The following PKD1L3 variants were observed in gnomAD, a reference collection of about 807,000 sequenced individuals.
PKD1L3 encodes the protein polycystin 1 like 3, transient receptor potential channel interacting.
A neutral mutation model predicts 184.1 loss-of-function variants in PKD1L3; 239 were observed. The observed-to-expected ratio is 1.30, with a 90% CI of 1.17 to 1.45. PKD1L3 has a LOEUF of 1.45. Ranked by LOEUF, PKD1L3 falls within the 40% of genes most tolerant of loss-of-function variation. The pLI is 0.00. For synonymous variants in PKD1L3, 996 were observed against 778.8 expected, an observed-to-expected ratio of 1.28 and a Z score of -4.64; for missense variants, 2,660 against 2,067.2, an observed-to-expected ratio of 1.29 and a Z score of -5.56.
intron 4 of PKD1L3, among the ~76,000 whole-genome samples, chr16:71,987,583 C>T (rs1471158766): frequency 6.6e-6 from 1 of 151,880 alleles, no homozygotes; most frequent in Admixed American, 6.6e-5. Context: ...ACCATGTTGC[C>T]CAGGCTGGTC....
In PKD1L3 at chr16:71,951,579, G is replaced by C. The variant is rs149764523; in HGVS notation, c.3175C>G (p.Arg1059Gly). The C allele has an allele frequency of 6.5e-7, 1 of 1,550,170 alleles. No individual in the cohort carries two copies. The highest frequency in any genetic ancestry group is 2.0e-5 in the Admixed American group (1 of 50,576). The change falls in exon 19 of 30, where the codon CGC (arginine) becomes GGC (glycine). Residue 1059 changes from arginine (R) to glycine (G), a missense_variant. By Grantham distance (125) the Arg-to-Gly change is moderately radical. Coordinates refer to ENST00000620267, the MANE Select transcript of PKD1L3 (RefSeq NM_181536.2). ...EGQGCHQQGE[R>G]HWARVVPENH... ...TGAAGTTTACCACGTGCCCAGTGGCGCTCTCCCTGCTGATGACAGCCTTGA... is the reference window on the plus strand; with the variant it reads ...TGAAGTTTACCACGTGCCCAGTGGCCCTCTCCCTGCTGATGACAGCCTTGA...
chr16:71,936,187 C>G (rs2038168898), intron 25 of PKD1L3, among the ~76,000 whole-genome samples: 1 of 149,330 alleles, frequency 6.7e-6, no homozygotes, highest in Admixed American at 7.0e-5. Context: ...TGAGTGTAAT[C>G]ATCTGTATTT....
intron 7 of PKD1L3, among the ~76,000 whole-genome samples, chr16:71,980,573 C>A (rs1343041607): frequency 6.6e-6 from 1 of 152,126 alleles, no homozygotes; most frequent in Non-Finnish European, 1.5e-5. Context: ...GTGGCTCATA[C>A]CTGTAATCCC....
chr16:71,982,201 T>C lies in PKD1L3; in HGVS notation c.1001A>G (p.Glu334Gly). The change falls in exon 7 of 30, where the codon GAG becomes GGG. Residue 334 changes from glutamate to glycine, a missense_variant. Transcript: ENST00000620267. ...NLINSLIYLS[E>G]ELLRIPFQNN... ...CTGAAATGGGATCCTGAGTAACTCC[T>C]CACTCAGGTAAATAAGGGAATTGAT... The C allele has an allele frequency of 6.5e-7, 1 of 1,542,272 alleles. No homozygotes were observed. The highest frequency in any genetic ancestry group is 8.8e-7 in the Non-Finnish European group (1 of 1,141,762).
Position 71,942,574 on chromosome 16 carries a change from C to T in PKD1L3, c.4310G>A (p.Ser1437Asn), listed in dbSNP as rs1448066863. ...ACTCCAGTTACCTCTCATGATGTAA[C>T]TGAATCCATTCTCATTCTTGCTTGT... ...RLTSKNENGFSYIMRGAFFTS... is the reference protein window; with the variant it reads ...RLTSKNENGFNYIMRGAFFTS... Residue 1437 changes from serine to asparagine, a missense_variant, in exon 24 of 30, where the codon AGT (serine) becomes AAT (asparagine). Transcript: ENST00000620267. The T allele has an allele frequency of 1.3e-6, 2 of 1,551,414 alleles. No homozygotes were observed. The highest frequency in any genetic ancestry group is 2.4e-5 in the South Asian group (2 of 84,050).
chr16:71,987,466 C>A (rs986784727), intron 4 of PKD1L3, among the ~76,000 whole-genome samples: 2 of 151,954 alleles, frequency 1.3e-5, no homozygotes, highest in African/African-American at 4.8e-5. Context: ...CTCCTCTTCC[C>A]GGTTCAAGCA....
intron 13 of PKD1L3, among the ~76,000 whole-genome samples, chr16:71,969,471 C>CTTTTTTTT (rs71391427): frequency 1.7e-5 from 2 of 117,406 alleles, no homozygotes; most frequent in African/African-American, 6.6e-5. Flanking sequence ...ATGCCAGGCT[C>CTTTTTTTT]TTTTTTTTTT....
In PKD1L3 at chr16:71,967,333, A is replaced by G; in HGVS notation, c.2287-18T>C. 1 of 1,538,710 alleles carries G rather than the reference A, an allele frequency of 6.5e-7. No homozygotes were observed. The highest frequency in any genetic ancestry group is 8.8e-7 in the Non-Finnish European group (1 of 1,141,918). On this transcript the variant is annotated intron_variant, in intron 14 of 29. Transcript: ENST00000620267. ...ATGACAACCTACAATGAGACAGGGA[A>G]AGATAAAATATAAGGAATTTTAACA...
rs559128426 is a variant in PKD1L3, at chr16:71,950,101, T to C, written c.3383+17A>G. The C allele has an allele frequency of 3.2e-6, 5 of 1,550,094 alleles. No individual in the cohort carries two copies. Among genetic ancestry groups the C allele is most frequent in the African/African-American group, 2.7e-5 (2 of 73,054 alleles). On this transcript the variant is annotated intron_variant, in intron 20 of 29. Coordinates refer to ENST00000620267, the MANE Select transcript of PKD1L3 (RefSeq NM_181536.2). ...GAAGATTACAGGGGATAAAGAAGGC[T>C]TGGTGTGGTGCATTACCTGGATGGC...
At chr16:71,941,764 T>C (rs1008746778) in intron 24 of PKD1L3, among the ~76,000 whole-genome samples, 2 of 151,560 alleles carry the variant, frequency 1.3e-5, no homozygotes, top group African/African-American at 4.9e-5. Flanking sequence ...TTTGTATTTT[T>C]AGTAGAGACG....
chr16:71,949,871 A>T lies in PKD1L3; in HGVS notation c.3530T>A (p.Leu1177Ter). 1 of 1,551,648 alleles carries T rather than the reference A, an allele frequency of 6.4e-7. No homozygotes were observed. The highest frequency in any genetic ancestry group is 8.7e-7 in the Non-Finnish European group (1 of 1,146,988). ...ASAFFTALYS[L>*]ELSKDQATSW... ...GGTGGCTTGGTCTTTGCTCAATTCC[A>T]AGCTATAAAGTGCTGTAAAAAAGGC... The change falls in exon 21 of 30, where the codon TTG (leucine) becomes TAG (stop). Residue 1177 changes from leucine (L) to a stop codon, truncating the protein, a stop_gained. Coordinates refer to ENST00000620267, the MANE Select transcript of PKD1L3 (RefSeq NM_181536.2). LOFTEE classifies it high-confidence loss of function.
intron 24 of PKD1L3, among the ~76,000 whole-genome samples, chr16:71,940,939 C>A (rs1170851257): frequency 1.3e-5 from 2 of 151,894 alleles, no homozygotes; most frequent in Non-Finnish European, 2.9e-5. Flanking sequence ...AGGATCAAAC[C>A]ATTCTGCCAC....
At position 71,978,125 on chromosome 16, in the gene PKD1L3, A is replaced by G. The variant is rs748394763; in HGVS notation, c.1527+130T>C. ...GGTGTATCTCTTTGTAAAAGTTCCT[A>G]AGATGTTAATAACAAAACAATGGCA... On this transcript the variant is annotated intron_variant, in intron 10 of 29. Coordinates refer to ENST00000620267, the MANE Select transcript of PKD1L3 (RefSeq NM_181536.2). The G allele has an allele frequency of 9.8e-4, 1,117 of 1,135,518 alleles. 11 individuals are homozygous for G. Among genetic ancestry groups the G allele is most frequent in the Middle Eastern group, 2.9e-4 (1 of 3,396 alleles). The allele number at this position is 1,135,518 out of a possible 1,614,324, so 70.3% of individuals were successfully genotyped here. A position where few individuals can be genotyped will look rare whatever the true frequency, so the allele number is the denominator to read the frequency against.
intron 24 of PKD1L3, among the ~76,000 whole-genome samples, chr16:71,941,316 A>G (rs1477890985): frequency 2.6e-5 from 4 of 151,998 alleles, no homozygotes; most frequent in African/African-American, 7.3e-5. Context: ...GAGACTATGA[A>G]AAAAACAATT....
In PKD1L3 at chr16:71,942,593, TG is replaced by T; in HGVS notation, c.4290del (p.Ser1430ArgfsTer11). 6.4e-7 allele frequency: 1 copy of T among 1,551,650 alleles called. No individual in the cohort carries two copies. Among genetic ancestry groups the T allele is most frequent in the Non-Finnish European group, 8.7e-7 (1 of 1,146,984 alleles). ...PTDELHERLT[S>X]KNENGFSYIM... ...ATGTAACTGAATCCATTCTCATTCT[TG>T]CTTGTCAGCCTTTCGTGAAGCTCAT... On this transcript the variant is annotated frameshift_variant, in exon 24 of 30. Coordinates refer to ENST00000620267, the MANE Select transcript of PKD1L3 (RefSeq NM_181536.2). LOFTEE classifies it high-confidence loss of function.
At chr16:71,979,535 G>A (rs2040068959) in intron 9 of PKD1L3, among the ~76,000 whole-genome samples, 1 of 152,148 alleles carries the variant, frequency 6.6e-6, no homozygotes, top group South Asian at 2.1e-4. Flanking sequence ...CTGCAGAGTT[G>A]AAATCAATTC....
chr16:71,952,809 G>C, intron 18 of PKD1L3, 85 bp downstream of exon 18: 1 of 1,382,328 alleles, frequency 7.2e-7, no homozygotes, highest in Non-Finnish European at 9.7e-7. Context: ...CTACACTCCA[G>C]TCTGTGCAAC....
chr16:71,949,944 ACCATTTGGACAGG>A lies in PKD1L3; in HGVS notation c.3444_3456del (p.Leu1149Ter). On this transcript the variant is annotated frameshift_variant, in exon 21 of 30. Transcript: ENST00000620267. LOFTEE classifies it high-confidence loss of function. ...AAGAGGAGCCAGCAGACTGAAGTCA[ACCATTTGGACAGG>A]CCATTTGAGATGGGCTTTTTTCCTT... is the stretch of plus-strand genomic sequence containing the variant. 1 of 1,551,702 alleles carries A rather than the reference ACCATTTGGACAGG, an allele frequency of 6.4e-7. No individual in the cohort carries two copies.
intron 11 of PKD1L3, among the ~76,000 whole-genome samples, chr16:71,973,770 T>G (rs2039810868): frequency 6.6e-6 from 1 of 151,984 alleles, no homozygotes; most frequent in East Asian, 1.9e-4. Flanking sequence ...GGGAAGCTGA[T>G]GCGGGCGGAT....
Sources: gnomAD v4.1 joint callset for allele counts (sites outside exome capture counted in the v4.1 genomes callset) on GRCh38, gnomAD v4.1.1 for gene constraint, MANE v1.5 for transcripts, NCBI Gene and HGNC (gene_info 2026-07-23, HGNC 2026-07-21) for gene names.